CMTM7: variants seen among roughly 807,000 people sequenced by gnomAD.
CMTM7 encodes the protein CKLF like MARVEL transmembrane domain containing 7.
CMTM7 carries 7 observed loss-of-function variants against 19.3 expected under a neutral mutation model. That is an observed-to-expected ratio of 0.36 (90% CI 0.21 to 0.68). The LOEUF is 0.68. Among genes scored for constraint, CMTM7 ranks in the 30% least tolerant of loss-of-function variants. The probability of loss-of-function intolerance (pLI) is 0.60; values close to 1 mark genes in which losing one functional copy is unlikely to be tolerated. For synonymous variants in CMTM7, 87 were observed against 99.3 expected (o/e 0.88, Z 0.74); for missense variants, 193 against 232.6 (o/e 0.83, Z 1.11).
intron 1 of CMTM7, among the ~76,000 whole-genome samples, chr3:32,437,395 G>A (rs775600753): frequency 6.6e-6 from 1 of 152,074 alleles, no homozygotes; most frequent in African/African-American, 2.4e-5. Context: ...TCAGGAGTTC[G>A]AGACCAGCCT....
chr3:32,433,861 CCTA>C (rs1348212522), intron 1 of CMTM7, among the ~76,000 whole-genome samples: 3 of 152,104 alleles, frequency 2.0e-5, no homozygotes, highest in Admixed American at 2.0e-4. Flanking sequence ...CAATCAGAAC[CCTA>C]CTATTTGCCC....
intron 1 of CMTM7, among the ~76,000 whole-genome samples, chr3:32,433,771 T>G (rs938989846): frequency 1.3e-5 from 2 of 152,292 alleles, no homozygotes; most frequent in South Asian, 4.1e-4. Flanking sequence ...CACCCAGTGT[T>G]GAAGTTGGCA....
intron 2 of CMTM7, among the ~76,000 whole-genome samples, chr3:32,445,457 T>C (rs1031239087): frequency 1.3e-5 from 2 of 152,226 alleles, no homozygotes; most frequent in Non-Finnish European, 1.5e-5. Flanking sequence ...CCGTATCTAC[T>C]GAGGTGATGA....
At chr3:32,397,365 T>C (rs1436984836) in intron 1 of CMTM7, among the ~76,000 whole-genome samples, 1 of 151,180 alleles carries the variant, frequency 6.6e-6, no homozygotes, top group Non-Finnish European at 1.5e-5. Flanking sequence ...AACCTATTCT[T>C]AAACTAAGAA....
intron 1 of CMTM7, among the ~76,000 whole-genome samples, chr3:32,417,648 T>C (rs1696287332): frequency 1.3e-5 from 2 of 152,250 alleles, no homozygotes; most frequent in South Asian, 2.1e-4. Context: ...AAGTTGTTTT[T>C]TACAGTGGCT....
intron 1 of CMTM7, among the ~76,000 whole-genome samples, chr3:32,418,754 A>G (rs776706182): frequency 6.6e-6 from 1 of 152,164 alleles, no homozygotes; most frequent in Admixed American, 6.5e-5. Flanking sequence ...GCATTCGTCT[A>G]TTTGTCTAAG....
rs559836083 is a variant in CMTM7, at chr3:32,440,278, A to C, written c.160-1562A>C. On this transcript the variant is annotated intron_variant, in intron 1 of 4. Coordinates refer to ENST00000334983, the MANE Select transcript of CMTM7 (RefSeq NM_138410.4). ...AAAAATTAGCTGGGCATGGTGGTGC[A>C]TACCTGTAGTCCCAGCTACTCTGGA... is the stretch of plus-strand genomic sequence containing the variant. Among the ~76,000 whole-genome samples, 14 of 151,910 alleles carry C rather than the reference A, an allele frequency of 9.2e-5. No individual in the cohort carries two copies. In the East Asian group the frequency reaches 2.7e-3, roughly 30 times the overall value.
At chr3:32,409,042 C>T (rs768030261) in intron 1 of CMTM7, among the ~76,000 whole-genome samples, 120 of 152,204 alleles carry the variant, frequency 7.9e-4, no homozygotes, top group Non-Finnish European at 1.6e-3. Context: ...CCACCATGCC[C>T]AGCTAATTTT....
chr3:32,403,628 T>C (rs1192289571), intron 1 of CMTM7, among the ~76,000 whole-genome samples: 1 of 152,238 alleles, frequency 6.6e-6, no homozygotes, highest in African/African-American at 2.4e-5. Context: ...TCATAAATAC[T>C]GAAGGTGGAT....
chr3:32,441,756 G>A (rs1696679944), intron 1 of CMTM7, 84 bp from the exon 2 acceptor site: 15 of 1,176,912 alleles, frequency 1.3e-5, no homozygotes, highest in Non-Finnish European at 1.9e-5. Context: ...GCCTGCTGGG[G>A]GATGCTTGGT....
chr3:32,392,329 G>A (rs984519708), intron 1 of CMTM7, among the ~76,000 whole-genome samples: 1 of 152,224 alleles, frequency 6.6e-6, no homozygotes, highest in Non-Finnish European at 1.5e-5. Context: ...AGTTTCTCCG[G>A]CCACCCCCCT....
At chr3:32,435,201 A>G (rs924628851) in intron 1 of CMTM7, among the ~76,000 whole-genome samples, 8 of 152,210 alleles carry the variant, frequency 5.3e-5, no homozygotes, top group Admixed American at 3.9e-4. Context: ...CAGGAGATCG[A>G]GACCATCCTG....
chr3:32,394,953 C>T (rs981207069), intron 1 of CMTM7, among the ~76,000 whole-genome samples: 9 of 151,790 alleles, frequency 5.9e-5, no homozygotes, highest in African/African-American at 2.2e-4. Context: ...GCCTCTGCCT[C>T]CCAAAGCGCT....
intron 1 of CMTM7, among the ~76,000 whole-genome samples, chr3:32,422,820 C>G (rs753649640): frequency 6.6e-6 from 1 of 152,180 alleles, no homozygotes; most frequent in African/African-American, 2.4e-5. Flanking sequence ...CTGAAACATG[C>G]CCAGAACACT....
chr3:32,442,404 G>C (rs1261192397), intron 2 of CMTM7, among the ~76,000 whole-genome samples: 1 of 151,126 alleles, frequency 6.6e-6, no homozygotes, highest in East Asian at 1.9e-4. Flanking sequence ...AGAGGCTGAG[G>C]CAGGAGAATG....
intron 1 of CMTM7, among the ~76,000 whole-genome samples, chr3:32,405,225 CTG>C (rs1419459245): frequency 6.6e-6 from 1 of 152,230 alleles, no homozygotes; most frequent in Non-Finnish European, 1.5e-5. Context: ...TCCGTGGAAA[CTG>C]TGAGAAGATA....
At chr3:32,445,864 C>T (rs1380465977) in intron 2 of CMTM7, among the ~76,000 whole-genome samples, 1 of 152,080 alleles carries the variant, frequency 6.6e-6, no homozygotes, top group Non-Finnish European at 1.5e-5. Context: ...GGGGTAAATT[C>T]CATTTGGCCA....
chr3:32,424,279 G>A (rs926869348), intron 1 of CMTM7, among the ~76,000 whole-genome samples: 5 of 152,132 alleles, frequency 3.3e-5, no homozygotes, highest in South Asian at 2.1e-4. Context: ...TTCCTAGGGC[G>A]AGCAGCCTGA....
At chr3:32,409,354 T>C (rs927897149) in intron 1 of CMTM7, among the ~76,000 whole-genome samples, 2 of 152,138 alleles carry the variant, frequency 1.3e-5, no homozygotes, top group Admixed American at 6.5e-5. Context: ...CATTTGAGAG[T>C]GAGTTGCAGA....
Sources: gnomAD v4.1 joint callset for allele counts (sites outside exome capture counted in the v4.1 genomes callset) on GRCh38, gnomAD v4.1.1 for gene constraint, MANE v1.5 for transcripts, NCBI Gene and HGNC (gene_info 2026-07-23, HGNC 2026-07-21) for gene names.